The following CFAP206 variants were observed in gnomAD, a reference collection of about 807,000 sequenced individuals.
CFAP206 encodes cilia and flagella associated protein 206, also known as cilia- and flagella-associated protein 206.
CFAP206 carries 53 observed loss-of-function variants against 65.4 expected under a neutral mutation model. The observed-to-expected ratio is 0.81, with a 90% CI of 0.65 to 1.02. CFAP206 has a LOEUF of 1.02. Among genes scored for constraint, CFAP206 ranks in the 50% least tolerant of loss-of-function variants. The probability of loss-of-function intolerance (pLI) is 0.00; values close to 1 mark genes in which losing one functional copy is unlikely to be tolerated. For synonymous variants in CFAP206, 250 were observed against 254.4 expected, an observed-to-expected ratio of 0.98 and a Z score of 0.17; for missense variants, 663 against 753.2, an observed-to-expected ratio of 0.88 and a Z score of 1.40.
At chr6:87,457,592 T>A (rs1768670219) in intron 11 of CFAP206, among the ~76,000 whole-genome samples, 1 of 152,164 alleles carries the variant, frequency 6.6e-6, no homozygotes, top group African/African-American at 2.4e-5. Flanking sequence ...CAATAAATGG[T>A]GCTGGGAAAA....
chr6:87,417,549 G>A (rs568003526), intron 6 of CFAP206, among the ~76,000 whole-genome samples: 1 of 137,818 alleles, frequency 7.3e-6, no homozygotes, highest in East Asian at 2.1e-4. Flanking sequence ...CTTAACAAAC[G>A]TTCCTTTTTT....
chr6:87,458,865 C>T (rs1768695934), intron 11 of CFAP206, among the ~76,000 whole-genome samples: 1 of 151,952 alleles, frequency 6.6e-6, no homozygotes, highest in South Asian at 2.1e-4. Flanking sequence ...ATGGACACCC[C>T]ATTTACCTGA....
chr6:87,460,733 A>C (rs1447243663), intron 11 of CFAP206, among the ~76,000 whole-genome samples: 4 of 152,062 alleles, frequency 2.6e-5, no homozygotes, highest in Non-Finnish European at 5.9e-5. Flanking sequence ...AGCATTGTGC[A>C]ATATACCCTT....
intron 7 of CFAP206, among the ~76,000 whole-genome samples, chr6:87,419,651 A>G (rs977924670): frequency 6.6e-6 from 1 of 152,224 alleles, no homozygotes; most frequent in Non-Finnish European, 1.5e-5. Flanking sequence ...CTTGAGGGAT[A>G]GAATAGGATG....
chr6:87,408,202 G>A, intron 1 of CFAP206, 113 bp downstream of exon 1: 1 of 314,548 alleles, frequency 3.2e-6, no homozygotes, highest in Non-Finnish European at 4.6e-6. Context: ...CTGCCTCGTC[G>A]AGACTTAGCT....
intron 3 of CFAP206, among the ~76,000 whole-genome samples, chr6:87,410,918 A>G (rs531706072): frequency 7.2e-5 from 11 of 152,308 alleles, no homozygotes; most frequent in African/African-American, 2.6e-4. Flanking sequence ...TCTAGGCAGA[A>G]AGAAGGGGGA....
At chr6:87,449,599 C>T (rs898648776) in intron 11 of CFAP206, among the ~76,000 whole-genome samples, 6 of 151,982 alleles carry the variant, frequency 3.9e-5, no homozygotes, top group Admixed American at 1.3e-4. Flanking sequence ...TCTTACATAC[C>T]TGTTGGCCAT....
chr6:87,452,243 G>C (rs777946498), intron 11 of CFAP206, among the ~76,000 whole-genome samples: 1 of 152,208 alleles, frequency 6.6e-6, no homozygotes, highest in Admixed American at 6.5e-5. Context: ...AGTCTGCAAC[G>C]GTCACAGTGT....
intron 4 of CFAP206, among the ~76,000 whole-genome samples, chr6:87,414,870 A>G (rs1369471964): frequency 2.0e-5 from 3 of 152,222 alleles, no homozygotes; most frequent in Non-Finnish European, 4.4e-5. Context: ...ATAGTCATAT[A>G]ATTGATAAAA....
intron 4 of CFAP206, among the ~76,000 whole-genome samples, chr6:87,414,224 C>T (rs977588624): frequency 2.0e-5 from 3 of 152,258 alleles, no homozygotes; most frequent in Non-Finnish European, 2.9e-5. Context: ...ATGTTATTAT[C>T]TCATTATAAT....
Position 87,435,185 on chromosome 6 carries a change from A to G in CFAP206, c.1494+132A>G, listed in dbSNP as rs1253714066. On this transcript the variant is annotated intron_variant, in intron 11 of 12. Transcript: ENST00000369562. ...GATGAGGGTCTTTACAGGTTGTCTG[A>G]AAGGGATTCATATCTGAAGATGAAA... 1.0e-5 allele frequency: 6 copies of G among 578,132 alleles called. No individual in the cohort carries two copies. In the South Asian group the frequency reaches 1.6e-4, roughly 15 times the overall value. The allele number at this position is 578,132 out of a possible 1,614,324, so 35.8% of individuals were successfully genotyped here. A position where few individuals can be genotyped will look rare whatever the true frequency, so the allele number is the denominator to read the frequency against.
chr6:87,417,952 A>C (rs1244744135), intron 6 of CFAP206, among the ~76,000 whole-genome samples: 1 of 151,564 alleles, frequency 6.6e-6, no homozygotes, highest in African/African-American at 2.4e-5. Context: ...GTTGGCCAGG[A>C]TGGTCTCAAT....
intron 7 of CFAP206, among the ~76,000 whole-genome samples, chr6:87,422,249 G>C (rs1277957593): frequency 6.6e-6 from 1 of 151,446 alleles, no homozygotes; most frequent in East Asian, 1.9e-4. Flanking sequence ...AGGAGTTCAA[G>C]ACCAGCCTGG....
chr6:87,414,856 A>G (rs1767797384), intron 4 of CFAP206, among the ~76,000 whole-genome samples: 1 of 152,246 alleles, frequency 6.6e-6, no homozygotes, highest in Non-Finnish European at 1.5e-5. Flanking sequence ...TTTTAAAGCA[A>G]GAAATAGTCA....
chr6:87,457,836 G>C (rs754934400), intron 11 of CFAP206, among the ~76,000 whole-genome samples: 46 of 152,116 alleles, frequency 3.0e-4, no homozygotes, highest in Non-Finnish European at 4.0e-4. Flanking sequence ...ATCACATCAA[G>C]TTAAAAAGCT....
intron 1 of CFAP206, 133 bp downstream of exon 1, chr6:87,408,222 G>C (rs1470826041): frequency 4.0e-6 from 1 of 252,972 alleles, no homozygotes; most frequent in Non-Finnish European, 6.2e-6. Flanking sequence ...TCTCAGTCTC[G>C]ATCCTTTAGG....
chr6:87,454,232 A>G (rs1768593593), intron 11 of CFAP206, among the ~76,000 whole-genome samples: 1 of 152,204 alleles, frequency 6.6e-6, no homozygotes, highest in African/African-American at 2.4e-5. Context: ...GTATCCAGAC[A>G]TATAAAACAA....
intron 11 of CFAP206, chr6:87,444,398 C>T (rs1768411094): frequency 9.0e-6 from 2 of 223,314 alleles, no homozygotes; most frequent in East Asian, 1.1e-4. Flanking sequence ...AAGGGCATTA[C>T]GCTTGACCTA....
chr6:87,422,151 T>C (rs1027551655), intron 7 of CFAP206, among the ~76,000 whole-genome samples: 11 of 152,044 alleles, frequency 7.2e-5, no homozygotes, highest in African/African-American at 2.7e-4. Context: ...AATATTATAA[T>C]TAAAAACTCT....
Sources: gnomAD v4.1 joint callset for allele counts (sites outside exome capture counted in the v4.1 genomes callset) on GRCh38, gnomAD v4.1.1 for gene constraint, MANE v1.5 for transcripts, NCBI Gene and HGNC (gene_info 2026-07-23, HGNC 2026-07-21) for gene names.